The following TSPAN5 variants were observed in gnomAD, a reference collection of about 807,000 sequenced individuals.
The protein encoded by TSPAN5 is tetraspanin-5.
A neutral mutation model predicts 37.1 loss-of-function variants in TSPAN5; 10 were observed. The ratio of observed to expected loss-of-function variants is 0.27; its 90% CI spans 0.17 to 0.46. The LOEUF is 0.46. TSPAN5 is among the 20% of genes least tolerant of loss of function. The probability of loss-of-function intolerance (pLI) is 1.00; values close to 1 mark genes in which losing one functional copy is unlikely to be tolerated. For synonymous variants in TSPAN5, 110 were observed against 118.9 expected (o/e 0.93, Z 0.48); for missense variants, 195 against 326.6 (o/e 0.60, Z 3.11).
intron 1 of TSPAN5, among the ~76,000 whole-genome samples, chr4:98,549,619 A>T (rs1754560280): frequency 6.6e-6 from 1 of 151,888 alleles, no homozygotes; most frequent in African/African-American, 2.4e-5. Flanking sequence ...TTTAATTTGC[A>T]TTTCTCTGAT....
At chr4:98,637,619 T>C (rs2110272740) in intron 1 of TSPAN5, among the ~76,000 whole-genome samples, 1 of 152,344 alleles carries the variant, frequency 6.6e-6, no homozygotes, top group Non-Finnish European at 1.5e-5. Flanking sequence ...TATATAGATA[T>C]ATTATTCTTT....
At chr4:98,475,195 G>C (rs1752666610) in intron 7 of TSPAN5, among the ~76,000 whole-genome samples, 1 of 152,138 alleles carries the variant, frequency 6.6e-6, no homozygotes, top group East Asian at 1.9e-4. Context: ...GTCCATTTTT[G>C]CTAAAAAGGT....
chr4:98,578,464 C>G (rs924638171), intron 1 of TSPAN5, among the ~76,000 whole-genome samples: 1 of 152,024 alleles, frequency 6.6e-6, no homozygotes, highest in African/African-American at 2.4e-5. Context: ...CTTGCTCTGT[C>G]GCCCAGGCTG....
chr4:98,584,876 A>G (rs966279767), intron 1 of TSPAN5, among the ~76,000 whole-genome samples: 2 of 152,232 alleles, frequency 1.3e-5, no homozygotes, highest in African/African-American at 4.8e-5. Context: ...TTCCACATTC[A>G]ATCTAATTCC....
At chr4:98,633,485 T>C (rs1579045116) in intron 1 of TSPAN5, among the ~76,000 whole-genome samples, 3 of 152,208 alleles carry the variant, frequency 2.0e-5, no homozygotes, top group South Asian at 4.1e-4. Flanking sequence ...TGTACAGAGA[T>C]GGTATTCAAA....
intron 1 of TSPAN5, among the ~76,000 whole-genome samples, chr4:98,549,306 T>TTG (rs201586937): frequency 6.7e-6 from 1 of 148,626 alleles, no homozygotes; most frequent in Non-Finnish European, 1.5e-5. Context: ...GTTTTTGTTT[T>TTG]TTTTTGTTTT....
At position 98,476,314 on chromosome 4, in the gene TSPAN5, G is replaced by A. The variant is rs375201761; in HGVS notation, c.625-9C>T. On this transcript the variant is annotated splice_polypyrimidine_tract_variant and intron_variant, in intron 6 of 7. Transcript: ENST00000305798. ...ATCTGCTGGTCAACTTCCTTCACAAGAGAAGAGGAGAGCACATTGTCACAG... is the reference window on the plus strand; with the variant it reads ...ATCTGCTGGTCAACTTCCTTCACAAAAGAAGAGGAGAGCACATTGTCACAG... 9 of 1,613,642 alleles carry A rather than the reference G, an allele frequency of 5.6e-6. No individual in the cohort carries two copies. In the African/African-American group the frequency reaches 1.1e-4, roughly 19 times the overall value.
intron 2 of TSPAN5, among the ~76,000 whole-genome samples, chr4:98,487,556 C>T (rs1444973756): frequency 6.6e-6 from 1 of 151,816 alleles, no homozygotes; most frequent in East Asian, 1.9e-4. Context: ...CTACAAACAC[C>T]TACAAGTTTT....
At chr4:98,497,316 C>CAAAAA (rs398051229) in intron 2 of TSPAN5, among the ~76,000 whole-genome samples, 1 of 101,836 alleles carries the variant, frequency 9.8e-6, no homozygotes, top group Non-Finnish European at 2.0e-5. Context: ...GACTCCATCT[C>CAAAAA]AAAAAAAAAA....
intron 1 of TSPAN5, among the ~76,000 whole-genome samples, chr4:98,637,284 G>A (rs904979685): frequency 6.6e-6 from 1 of 152,114 alleles, no homozygotes; most frequent in African/African-American, 2.4e-5. Flanking sequence ...TGTGCAGTTC[G>A]CCTCCTGTGT....
chr4:98,634,090 G>A (rs1311743525), intron 1 of TSPAN5, among the ~76,000 whole-genome samples: 1 of 149,994 alleles, frequency 6.7e-6, no homozygotes, highest in Admixed American at 6.7e-5. Context: ...AAAAAAAAAA[G>A]GAAAGAAAAG....
At chr4:98,547,222 C>T (rs1754490771) in intron 1 of TSPAN5, among the ~76,000 whole-genome samples, 1 of 152,208 alleles carries the variant, frequency 6.6e-6, no homozygotes. Flanking sequence ...GGCTCCTCTC[C>T]CCGCCCAGGA....
intron 1 of TSPAN5, among the ~76,000 whole-genome samples, chr4:98,556,546 T>G (rs1012696917): frequency 1.3e-5 from 2 of 152,208 alleles, no homozygotes; most frequent in South Asian, 2.1e-4. Context: ...TACCCTAAAC[T>G]TGCGTGTTCT....
intron 1 of TSPAN5, among the ~76,000 whole-genome samples, chr4:98,554,078 AAT>A (rs1754683575): frequency 6.6e-6 from 1 of 151,866 alleles, no homozygotes; most frequent in African/African-American, 2.4e-5. Flanking sequence ...AAAAAAAATA[AAT>A]TAAAAAAAAA....
rs747700588 is a variant in TSPAN5 at position 98,476,416 on chromosome 4, T to C, written c.621A>G (p.Lys207=). 1.2e-6 allele frequency: 2 copies of C among 1,614,122 alleles called. No individual in the cohort carries two copies. The highest frequency in any genetic ancestry group is 1.7e-6 in the Non-Finnish European group (2 of 1,179,976). ...NTQCGYDARQ[K]PEVDQQIVIY... is the part of the protein sequence containing the mutation. ...AACAACATGAGATTCCACTTACTGG[T>C]TTTTGCCTGGCATCATAGCCACACT... The change falls in exon 6 of 8, where the codon AAA becomes AAG. Residue 207 remains lysine, a synonymous_variant. Coordinates refer to ENST00000305798, the MANE Select transcript of TSPAN5 (RefSeq NM_005723.4).
intron 1 of TSPAN5, among the ~76,000 whole-genome samples, chr4:98,527,447 AC>A (rs1238425173): frequency 6.6e-6 from 1 of 152,122 alleles, no homozygotes; most frequent in Non-Finnish European, 1.5e-5. Context: ...GCTCTTAACG[AC>A]CCTAAAAATA....
chr4:98,501,474 C>T (rs1389863667), intron 2 of TSPAN5, among the ~76,000 whole-genome samples: 1 of 152,132 alleles, frequency 6.6e-6, no homozygotes, highest in Non-Finnish European at 1.5e-5. Context: ...ATAAAAAGTC[C>T]AGGCAATAAA....
At chr4:98,509,843 A>C (rs572754123) in intron 1 of TSPAN5, 2 of 152,254 alleles carry the variant, frequency 1.3e-5, no homozygotes, top group Non-Finnish European at 2.9e-5. Context: ...GTGAGTGTAC[A>C]GGCTCCCATG....
chr4:98,531,818 A>G (rs952777395), intron 1 of TSPAN5, among the ~76,000 whole-genome samples: 1 of 152,208 alleles, frequency 6.6e-6, no homozygotes, highest in African/African-American at 2.4e-5. Context: ...ACCAATAATG[A>G]TGAGCTTTTT....
Sources: allele counts gnomAD v4.1 joint callset (sites outside exome capture counted in the v4.1 genomes callset), GRCh38; gene constraint gnomAD v4.1.1; transcripts MANE v1.5; gene names NCBI Gene and HGNC (gene_info 2026-07-23, HGNC 2026-07-21).